PHACTR2: variants seen among roughly 807,000 people sequenced by gnomAD.
The protein encoded by PHACTR2 is phosphatase and actin regulator 2.
Under a neutral mutation model 76.0 loss-of-function variants are expected in PHACTR2, and 30 were observed. The ratio of observed to expected loss-of-function variants is 0.39; its 90% confidence interval spans 0.30 to 0.54. PHACTR2 has a LOEUF of 0.54. Ranked by LOEUF, PHACTR2 falls within the 20% of genes least tolerant of loss-of-function variation. The pLI is 0.61. For synonymous variants in PHACTR2, 292 were observed against 292.5 expected, an observed-to-expected ratio of 1.00 and a Z score of 0.02; for missense variants, 696 against 781.1, an observed-to-expected ratio of 0.89 and a Z score of 1.30.
chr6:143,823,843 C>T lies in PHACTR2; in HGVS notation c.*154C>T. 4.4e-6 allele frequency: 3 copies of T among 674,892 alleles called. No homozygotes were observed. Among genetic ancestry groups the T allele is most frequent in the Non-Finnish European group, 8.1e-6 (3 of 372,234 alleles). 41.8% of individuals were successfully genotyped at this position (674,892 alleles called of 1,614,324 possible). On this transcript the variant is annotated 3_prime_UTR_variant, in exon 13 of 13. Coordinates refer to ENST00000440869, the MANE Select transcript of PHACTR2 (RefSeq NM_001100164.2). The surrounding 1 kb of genome is among the most constrained non-coding windows in gnomAD (Gnocchi z 5.7). ...TGACTCAGCTTGGCTGGGAAGTGCT[C>T]CTCACCTGTGTGGCCCAGATGGCTC... is the stretch of plus-strand genomic sequence containing the variant.
chr6:143,807,996 C>T lies in PHACTR2; in HGVS notation c.1922+863C>T, dbSNP rs1776100041. ...GAGGAGTGAGGTTTGTTATCATAGA[C>T]TTGCTCCACAGCTTTTCTTCCTATC... is the stretch of plus-strand genomic sequence containing the variant. On this transcript the variant is annotated intron_variant, in intron 12 of 12. Transcript: ENST00000440869. The surrounding 1 kb of genome is among the most constrained non-coding windows in gnomAD (Gnocchi z 5.5). Among the ~76,000 whole-genome samples, 1 of 152,142 alleles carries T rather than the reference C, an allele frequency of 6.6e-6. No individual in the cohort carries two copies. The highest frequency in any genetic ancestry group is 1.9e-4 in the East Asian group (1 of 5,200).
In PHACTR2 at chr6:143,627,188, G is replaced by A. The variant is rs1776276621; in HGVS notation, c.13+18866G>A. On this transcript the variant is annotated intron_variant, in intron 1 of 11. Coordinates refer to the PHACTR2 transcript ENST00000305766. This position sits in a 1 kb window ranked among gnomAD's most constrained non-coding sequence, Gnocchi z 4.3. ...TTGGTGATGTAGGGGAGGCTCCAAG[G>A]GTGATGATATTTGGGCTGGGATGTT... Among the ~76,000 whole-genome samples, 1 of 152,184 alleles carries A rather than the reference G, an allele frequency of 6.6e-6. No homozygotes were observed. Among genetic ancestry groups the A allele is most frequent in the Non-Finnish European group, 1.5e-5 (1 of 68,040 alleles).
At chr6:143,781,546 C>G (rs1775434632) in intron 9 of PHACTR2, among the ~76,000 whole-genome samples, 1 of 152,162 alleles carries the variant, frequency 6.6e-6, no homozygotes, top group African/African-American at 2.4e-5. Context: ...TCATCAATAT[C>G]ACTAACAATA....
rs1053499251 is a variant in PHACTR2 at position 143,595,922 on chromosome 6, G to A, written c.217+58715G>A. 2.0e-5 allele frequency among the ~76,000 whole-genome samples: 3 copies of A among 152,054 alleles called. No individual in the cohort carries two copies. Among genetic ancestry groups the A allele is most frequent in the Non-Finnish European group, 4.4e-5 (3 of 68,020 alleles). ...CTGAGTTGGGTGGGTTATAGGTAGC[G>A]TCACTTAGGGAAAAGTTTGTTCCTT... is the stretch of plus-strand genomic sequence containing the variant. On this transcript the variant is annotated intron_variant, in intron 1 of 11. Coordinates refer to the PHACTR2 transcript ENST00000367584. The surrounding 1 kb of genome is among the most constrained non-coding windows in gnomAD (Gnocchi z 4.2).
At position 143,697,103 on chromosome 6, in the gene PHACTR2, G is replaced by A. The variant is rs1108314; in HGVS notation, c.47-14913G>A. On this transcript the variant is annotated intron_variant, in intron 1 of 12. Transcript: ENST00000440869. This position sits in a 1 kb window ranked among gnomAD's most constrained non-coding sequence, Gnocchi z 4.4. ...AATATTGCCACATAACTGAACATCT[G>A]TCATAATGCTATATTATCAAAGAAT... 1.3e-5 allele frequency among the ~76,000 whole-genome samples: 2 copies of A among 152,020 alleles called. No individual in the cohort carries two copies. The highest frequency in any genetic ancestry group is 1.5e-5 in the Non-Finnish European group (1 of 67,994).
chr6:143,564,622 T>C (rs1775336576), intron 1 of PHACTR2, among the ~76,000 whole-genome samples: 1 of 152,138 alleles, frequency 6.6e-6, no homozygotes, highest in Non-Finnish European at 1.5e-5. Context: ...AAGCATGTCA[T>C]GGCTGAGCTG....
intron 1 of PHACTR2, among the ~76,000 whole-genome samples, chr6:143,569,400 T>C (rs1049603464): frequency 1.3e-5 from 2 of 152,222 alleles, no homozygotes; most frequent in Non-Finnish European, 2.9e-5. Context: ...CTTTATGTAA[T>C]TGAGAAATCC....
At chr6:143,766,987 C>G (rs1438727521) in intron 6 of PHACTR2, among the ~76,000 whole-genome samples, 1 of 152,134 alleles carries the variant, frequency 6.6e-6, no homozygotes, top group Non-Finnish European at 1.5e-5. Flanking sequence ...AAAAGGTTCT[C>G]TTTCAAAACA....
intron 1 of PHACTR2, among the ~76,000 whole-genome samples, chr6:143,642,807 G>A (rs1183171695): frequency 6.6e-6 from 1 of 152,174 alleles, no homozygotes; most frequent in Non-Finnish European, 1.5e-5. Flanking sequence ...GAGGGACATG[G>A]AACAGATTCT....
In PHACTR2 at chr6:143,807,033, T is replaced by C. The variant is rs766189192; in HGVS notation, c.1846-24T>C. 1.5e-5 allele frequency: 20 copies of C among 1,331,128 alleles called. No individual in the cohort carries two copies. Among genetic ancestry groups the C allele is most frequent in the Non-Finnish European group, 2.0e-5 (19 of 927,430 alleles). 82.5% of individuals were successfully genotyped at this position (1,331,128 alleles called of 1,614,324 possible). On this transcript the variant is annotated intron_variant, in intron 11 of 12. Transcript: ENST00000440869. This position sits in a 1 kb window ranked among gnomAD's most constrained non-coding sequence, Gnocchi z 5.5. ...TATATGACCTAAATAACAGTTCTGT[T>C]TATCTATTTTTTTTCCTGTTTAGGC...
chr6:143,769,959 A>T (rs1775058374), intron 6 of PHACTR2, among the ~76,000 whole-genome samples: 1 of 152,202 alleles, frequency 6.6e-6, no homozygotes, highest in African/African-American at 2.4e-5. Flanking sequence ...TCTTCAAAAA[A>T]TTAAACATAG....
In PHACTR2 at chr6:143,664,213, A is replaced by C. The variant is rs907775694; in HGVS notation, c.14-47803A>C. 2.0e-5 allele frequency among the ~76,000 whole-genome samples: 3 copies of C among 152,034 alleles called. No homozygotes were observed. Among genetic ancestry groups the C allele is most frequent in the African/African-American group, 7.2e-5 (3 of 41,428 alleles). On this transcript the variant is annotated intron_variant, in intron 1 of 11. Transcript: ENST00000305766. This position sits in a 1 kb window ranked among gnomAD's most constrained non-coding sequence, Gnocchi z 5.1. ...TTTAATTTATCTATTATTAATATTG[A>C]GATTATAAATTTTCTTTTGGTAAGA...
chr6:143,735,195 G>A (rs1433793837), intron 2 of PHACTR2, among the ~76,000 whole-genome samples: 2 of 151,992 alleles, frequency 1.3e-5, no homozygotes, highest in African/African-American at 2.4e-5. Context: ...TTTGAAATTG[G>A]TACTCATGAA....
intron 1 of PHACTR2, among the ~76,000 whole-genome samples, chr6:143,572,409 T>G (rs2128431811): frequency 6.6e-6 from 1 of 152,352 alleles, no homozygotes; most frequent in East Asian, 1.9e-4. Flanking sequence ...AATGCCTCCA[T>G]CAAATATATC....
Position 143,537,001 on chromosome 6 carries a change from C to T in PHACTR2, c.11C>T (p.Ala4Val), listed in dbSNP as rs1276451449. 6.2e-6 allele frequency: 1 copy of T among 161,064 alleles called. No homozygotes were observed. Among genetic ancestry groups the T allele is most frequent in the Non-Finnish European group, 1.3e-5 (1 of 75,280 alleles). 10.0% of individuals were successfully genotyped at this position (161,064 alleles called of 1,614,324 possible). A position where few individuals can be genotyped will look rare whatever the true frequency, so the allele number is the denominator to read the frequency against. The stretch of plus-strand genomic sequence containing the variant: ...CGCCGCCGGGAGCCGATGGCCGAGG[C>T]GGGCTGGCGCCCCGCGGCGTCCCCG... Residue 4 changes from alanine to valine, a missense_variant, in exon 1 of 12, where the codon GCG (alanine) becomes GTG (valine). Ala to Val is a moderately conservative substitution (Grantham distance 64, BLOSUM62 0). Transcript: ENST00000367584. The surrounding 1 kb of genome is among the most constrained non-coding windows in gnomAD (Gnocchi z 4.4).
rs966706925 is a variant in PHACTR2, at chr6:143,782,878, A to G, written c.1646-341A>G. Among the ~76,000 whole-genome samples, 10 of 152,158 alleles carry G rather than the reference A, an allele frequency of 6.6e-5. No homozygotes were observed. Among genetic ancestry groups the G allele is most frequent in the African/African-American group, 1.9e-4 (8 of 41,426 alleles). Reference sequence around the variant, plus strand: ...GTAAATTGTGCTTATAAGCCCATGAAATGATCAGCAATAGAGGGCTTTCAT... The same window carrying G: ...GTAAATTGTGCTTATAAGCCCATGAGATGATCAGCAATAGAGGGCTTTCAT... On this transcript the variant is annotated intron_variant, in intron 9 of 12. Coordinates refer to ENST00000440869, the MANE Select transcript of PHACTR2 (RefSeq NM_001100164.2). The surrounding 1 kb of genome is among the most constrained non-coding windows in gnomAD (Gnocchi z 4.6).
In PHACTR2 at chr6:143,543,189, A is replaced by C. The variant is rs1037023164; in HGVS notation, c.217+5982A>C. ...GACTGTTCTTGTTTTCAGAGGATGCATGAAGAGCTAATTTACTTAAACTAG... is the reference window on the plus strand; with the variant it reads ...GACTGTTCTTGTTTTCAGAGGATGCCTGAAGAGCTAATTTACTTAAACTAG... On this transcript the variant is annotated intron_variant, in intron 1 of 11. Coordinates refer to the PHACTR2 transcript ENST00000367584. The surrounding 1 kb of genome is among the most constrained non-coding windows in gnomAD (Gnocchi z 4.7). Among the ~76,000 whole-genome samples, 1 of 152,266 alleles carries C rather than the reference A, an allele frequency of 6.6e-6. No homozygotes were observed. Among genetic ancestry groups the C allele is most frequent in the African/African-American group, 2.4e-5 (1 of 41,468 alleles).
intron 2 of PHACTR2, among the ~76,000 whole-genome samples, chr6:143,737,355 C>T (rs1002335480): frequency 7.9e-5 from 12 of 151,554 alleles, no homozygotes; most frequent in South Asian, 2.1e-4. Context: ...AGGGTGGTCT[C>T]GAACTCTGGG....
rs1778994390 is a variant in PHACTR2, at chr6:143,743,752, A to G, written c.215-5233A>G. On this transcript the variant is annotated intron_variant, in intron 2 of 12. Coordinates refer to ENST00000440869, the MANE Select transcript of PHACTR2 (RefSeq NM_001100164.2). This position sits in a 1 kb window ranked among gnomAD's most constrained non-coding sequence, Gnocchi z 5.0. ...TTTACAGTGAGGCCATTCAGTACTC[A>G]GAACTGAGAAGATAGCATGGCACGC... 6.6e-6 allele frequency among the ~76,000 whole-genome samples: 1 copy of G among 152,234 alleles called. No homozygotes were observed. Among genetic ancestry groups the G allele is most frequent in the Non-Finnish European group, 1.5e-5 (1 of 68,036 alleles).
Sources: gnomAD v4.1 joint callset for allele counts (sites outside exome capture counted in the v4.1 genomes callset) on GRCh38, gnomAD v4.1.1 for gene constraint, Gnocchi (gnomAD v3.1) non-coding constraint, MANE v1.5 for transcripts, NCBI Gene and HGNC (gene_info 2026-07-23, HGNC 2026-07-21) for gene names.